Variants in KCNK3 observed in about 807,000 individuals in gnomAD.
The protein encoded by KCNK3 is potassium two pore domain channel subfamily K member 3.
Under a neutral mutation model 27.3 loss-of-function variants are expected in KCNK3, and 9 were observed. The observed-to-expected ratio is 0.33, with a 90% CI of 0.20 to 0.57. The LOEUF (loss-of-function observed/expected upper bound fraction) is 0.57. Ranked by LOEUF, KCNK3 falls within the 20% of genes least tolerant of loss-of-function variation. KCNK3 has a pLI of 0.87. For missense variants in KCNK3, 391 were observed against 577.7 expected (o/e 0.68, Z 3.31); for synonymous variants, 278 against 273.8 (o/e 1.02, Z -0.15).
chr2:26,692,956 C>T lies in KCNK3; in HGVS notation c.81C>T (p.Asp27=), dbSNP rs1347672660. Residue 27 remains aspartate, a synonymous_variant, in exon 1 of 2, where the codon GAC becomes GAT. Transcript: ENST00000302909. The surrounding 1 kb of genome is among the most constrained non-coding windows in gnomAD (Gnocchi z 5.6). ...TYLLVGAAVF[D]ALESEPELIE... is the part of the protein sequence containing the mutation. Reference sequence around the variant, plus strand: ...TGCTGGTGGGCGCCGCGGTCTTCGACGCGCTGGAGTCGGAGCCCGAGCTGA... The same window carrying T: ...TGCTGGTGGGCGCCGCGGTCTTCGATGCGCTGGAGTCGGAGCCCGAGCTGA... The T allele has an allele frequency of 5.1e-6, 8 of 1,558,814 alleles. No individual in the cohort carries two copies. Among genetic ancestry groups the T allele is most frequent in the Non-Finnish European group, 6.9e-6 (8 of 1,156,498 alleles).
rs541554195 is a variant in KCNK3, at chr2:26,731,065, C to G, written c.*2497C>G. On this transcript the variant is annotated 3_prime_UTR_variant, in exon 2 of 2. Transcript: ENST00000302909. The stretch of plus-strand genomic sequence containing the variant: ...CAATATGTGTGGGTGACCATGCCCT[C>G]ACGACCACACCCCCACCCCGGGCAG... 3 of 152,480 alleles carry G rather than the reference C, an allele frequency of 2.0e-5. No homozygotes were observed. The highest frequency in any genetic ancestry group is 6.5e-5 in the Admixed American group (1 of 15,310). 9.4% of individuals were successfully genotyped at this position (152,480 alleles called of 1,614,324 possible). A position where few individuals can be genotyped will look rare whatever the true frequency, so the allele number is the denominator to read the frequency against.
In KCNK3 at chr2:26,728,247, G is replaced by T. The variant is rs762626613; in HGVS notation, c.864G>T (p.Thr288=). The change falls in exon 2 of 2, where the codon ACG becomes ACT. Residue 288 remains threonine (T), a synonymous_variant. Coordinates refer to ENST00000302909, the MANE Select transcript of KCNK3 (RefSeq NM_002246.3). ...SAHTTDTASS[T]AAAGGGGFRN... ...ACACTACGGACACCGCCTCATCCAC[G>T]GCGGCAGCGGGCGGCGGCGGCTTCC... 1 of 1,577,592 alleles carries T rather than the reference G, an allele frequency of 6.3e-7. No individual in the cohort carries two copies. The highest frequency in any genetic ancestry group is 8.6e-7 in the Non-Finnish European group (1 of 1,161,826).
chr2:26,725,341 G>C (rs7595648), intron 1 of KCNK3, among the ~76,000 whole-genome samples: 1 of 151,944 alleles, frequency 6.6e-6, no homozygotes, highest in African/African-American at 2.4e-5. Context: ...GAGGGTGGGG[G>C]TTAATAGCTC....
At chr2:26,697,125 G>T (rs1199976174) in intron 1 of KCNK3, among the ~76,000 whole-genome samples, 7 of 152,170 alleles carry the variant, frequency 4.6e-5, no homozygotes, top group Admixed American at 4.6e-4. Flanking sequence ...GGCCTCGGAA[G>T]CATGGCACTT....
chr2:26,710,201 C>T (rs4439913), intron 1 of KCNK3, among the ~76,000 whole-genome samples: 2 of 152,228 alleles, frequency 1.3e-5, no homozygotes, highest in South Asian at 2.1e-4. Flanking sequence ...AGAAGTGTGG[C>T]CCCTGTCCCC....
intron 1 of KCNK3, among the ~76,000 whole-genome samples, chr2:26,714,002 A>C (rs1368055010): frequency 6.6e-6 from 1 of 151,534 alleles, no homozygotes; most frequent in East Asian, 1.9e-4. Context: ...CTTGAATCCA[A>C]GAGGCAGAGG....
intron 1 of KCNK3, among the ~76,000 whole-genome samples, chr2:26,711,996 C>A (rs553440428): frequency 2.0e-5 from 3 of 152,220 alleles, no homozygotes; most frequent in Non-Finnish European, 4.4e-5. Context: ...GCTCAGGACA[C>A]CAGTGCATAA....
At chr2:26,718,391 C>T (rs1471376137) in intron 1 of KCNK3, among the ~76,000 whole-genome samples, 1 of 152,214 alleles carries the variant, frequency 6.6e-6, no homozygotes, top group Non-Finnish European at 1.5e-5. Context: ...TTCAACTGTA[C>T]TTCCTGTTCC....
intron 1 of KCNK3, among the ~76,000 whole-genome samples, chr2:26,709,082 A>G (rs975142875): frequency 6.6e-6 from 1 of 152,178 alleles, no homozygotes; most frequent in Non-Finnish European, 1.5e-5. Flanking sequence ...GACCTGAGCA[A>G]CCAGGTGGAG....
chr2:26,732,065 G>A lies in KCNK3; in HGVS notation c.*3497G>A, dbSNP rs1257781503. 1 of 152,008 alleles carries A rather than the reference G, an allele frequency of 6.6e-6. No individual in the cohort carries two copies. The highest frequency in any genetic ancestry group is 1.5e-5 in the Non-Finnish European group (1 of 68,042). 9.4% of individuals were successfully genotyped at this position (152,008 alleles called of 1,614,324 possible). A position where few individuals can be genotyped will look rare whatever the true frequency, so the allele number is the denominator to read the frequency against. On this transcript the variant is annotated 3_prime_UTR_variant, in exon 2 of 2. Transcript: ENST00000302909. ...TTTCTTTGGGGTAGATTTTTCTCTG[G>A]GTCTAGAGGGACAGCTCAGGCTTGG...
At position 26,732,586 on chromosome 2, in the gene KCNK3, C is replaced by T. The variant is rs906738754; in HGVS notation, c.*4018C>T. 6.6e-6 allele frequency: 1 copy of T among 152,284 alleles called. No individual in the cohort carries two copies. Among genetic ancestry groups the T allele is most frequent in the African/African-American group, 2.4e-5 (1 of 41,448 alleles). The allele number at this position is 152,284 out of a possible 1,614,324, so 9.4% of individuals were successfully genotyped here. The stretch of plus-strand genomic sequence containing the variant: ...CCCCAGAGGCAGGACACAGCCAGCC[C>T]TCCTGTGACAGCACTCCTGGCAGCT... On this transcript the variant is annotated 3_prime_UTR_variant, in exon 2 of 2. Coordinates refer to ENST00000302909, the MANE Select transcript of KCNK3 (RefSeq NM_002246.3).
intron 1 of KCNK3, among the ~76,000 whole-genome samples, chr2:26,695,285 A>C (rs1670221044): frequency 6.6e-6 from 1 of 151,956 alleles, no homozygotes; most frequent in Admixed American, 6.6e-5. Flanking sequence ...GCAGTGGTGT[A>C]ATCATAGTTC....
At chr2:26,725,330 C>T (rs770548994) in intron 1 of KCNK3, among the ~76,000 whole-genome samples, 7 of 151,960 alleles carry the variant, frequency 4.6e-5, no homozygotes, top group Non-Finnish European at 8.8e-5. Context: ...TGGCGGGCAG[C>T]GAGGGTGGGG....
chr2:26,697,723 A>G (rs967795606), intron 1 of KCNK3, among the ~76,000 whole-genome samples: 1 of 152,128 alleles, frequency 6.6e-6, no homozygotes, highest in African/African-American at 2.4e-5. Context: ...AACAACAAAG[A>G]GACCAGGTGA....
intron 1 of KCNK3, among the ~76,000 whole-genome samples, chr2:26,713,575 T>C (rs1663164657): frequency 6.7e-6 from 1 of 150,242 alleles, no homozygotes; most frequent in African/African-American, 2.5e-5. Flanking sequence ...AGGTCAGGAG[T>C]TCAAGACCAG....
chr2:26,697,028 C>T (rs1429160393), intron 1 of KCNK3, among the ~76,000 whole-genome samples: 1 of 152,202 alleles, frequency 6.6e-6, no homozygotes, highest in Non-Finnish European at 1.5e-5. Flanking sequence ...AATTCTCTCA[C>T]CAACCTCTCT....
intron 1 of KCNK3, chr2:26,724,455 C>G (rs1191302410): frequency 5.9e-6 from 2 of 337,138 alleles, no homozygotes; most frequent in Non-Finnish European, 8.4e-6. Flanking sequence ...TTGGCCAACA[C>G]CCAAGGCCTC....
chr2:26,727,517 C>A, intron 1 of KCNK3, 150 bp from the exon 2 acceptor site: 3 of 996,718 alleles, frequency 3.0e-6, no homozygotes, highest in South Asian at 1.7e-5. Flanking sequence ...CAGGGCCTAG[C>A]ACAGTGCGTG....
chr2:26,698,867 G>T (rs1051007087), intron 1 of KCNK3, among the ~76,000 whole-genome samples: 1 of 152,044 alleles, frequency 6.6e-6, no homozygotes, highest in African/African-American at 2.4e-5. Flanking sequence ...AGGCTGAGGT[G>T]GGCAGACCTT....
Sources: allele counts gnomAD v4.1 joint callset (sites outside exome capture counted in the v4.1 genomes callset), GRCh38; gene constraint gnomAD v4.1.1; non-coding constraint Gnocchi (gnomAD v3.1); transcripts MANE v1.5; gene names NCBI Gene and HGNC (gene_info 2026-07-23, HGNC 2026-07-21).